The following GALNT11 variants were observed in gnomAD, a reference collection of about 807,000 sequenced individuals.
GALNT11 encodes UDP-GalNAc:polypeptide N-acetylgalactosaminyltransferase 11.
GALNT11 carries 47 observed loss-of-function variants against 72.7 expected under a neutral mutation model. The ratio of observed to expected loss-of-function variants is 0.65; its 90% CI spans 0.51 to 0.82. The LOEUF is 0.82. Ranked by LOEUF, GALNT11 falls within the 40% of genes least tolerant of loss-of-function variation. The pLI is 0.00. For missense variants in GALNT11, 677 were observed against 778.4 expected, an observed-to-expected ratio of 0.87 and a Z score of 1.55; for synonymous variants, 270 against 286.6, an observed-to-expected ratio of 0.94 and a Z score of 0.58.
chr7:152,035,657 C>G, intron 1 of GALNT11, among the ~76,000 whole-genome samples: 1 of 152,268 alleles, frequency 6.6e-6, no homozygotes. Flanking sequence ...AGCCCTATCC[C>G]GGAAAGCCTG....
chr7:152,027,758 T>A (rs1404528398), intron 1 of GALNT11: 1 of 157,668 alleles, frequency 6.3e-6, no homozygotes, highest in Non-Finnish European at 1.4e-5. Flanking sequence ...GTCGAGAGTT[T>A]GTTCCTTCTG....
chr7:152,065,804 G>A (rs550016574), intron 1 of GALNT11, among the ~76,000 whole-genome samples: 29 of 152,274 alleles, frequency 1.9e-4, no homozygotes, highest in East Asian at 7.7e-4. Flanking sequence ...CTCTGAAAGC[G>A]TCATCTCAGA....
At chr7:152,079,439 T>G (rs1013407143) in intron 1 of GALNT11, 9 of 152,274 alleles carry the variant, frequency 5.9e-5, no homozygotes, top group African/African-American at 1.7e-4. Context: ...CCTTTTAGTT[T>G]CTTTTCTATG....
At chr7:152,051,517 A>G (rs1400727750) in intron 1 of GALNT11, among the ~76,000 whole-genome samples, 2 of 152,140 alleles carry the variant, frequency 1.3e-5, no homozygotes, top group East Asian at 1.9e-4. Flanking sequence ...ATTCCTTTCT[A>G]CTTCACATTA....
At chr7:152,055,525 G>A (rs1410492443) in intron 1 of GALNT11, among the ~76,000 whole-genome samples, 35 of 13,156 alleles carry the variant, frequency 2.7e-3, no homozygotes, top group Admixed American at 0.019. Context: ...TAAAGCGTGT[G>A]TGTGTGTGTG....
At chr7:152,059,234 T>G (rs577783406) in intron 1 of GALNT11, among the ~76,000 whole-genome samples, 1 of 152,244 alleles carries the variant, frequency 6.6e-6, no homozygotes, top group East Asian at 1.9e-4. Flanking sequence ...TTGTTGGGAC[T>G]ACAGGCATGT....
chr7:152,111,168 G>A (rs2088146549), intron 7 of GALNT11, among the ~76,000 whole-genome samples: 1 of 151,732 alleles, frequency 6.6e-6, no homozygotes, highest in South Asian at 2.1e-4. Context: ...TTATTTTTTT[G>A]AGACAGGGTC....
chr7:152,038,564 T>C (rs1202005622), intron 1 of GALNT11, among the ~76,000 whole-genome samples: 1 of 152,230 alleles, frequency 6.6e-6, no homozygotes, highest in African/African-American at 2.4e-5. Context: ...ATTTTGTTTA[T>C]GGCCAGTTTT....
intron 1 of GALNT11, among the ~76,000 whole-genome samples, chr7:152,040,945 T>G (rs1201542895): frequency 6.6e-6 from 1 of 152,206 alleles, no homozygotes; most frequent in East Asian, 1.9e-4. Flanking sequence ...TGTGACTGGT[T>G]GTCCAGCTTT....
intron 1 of GALNT11, among the ~76,000 whole-genome samples, chr7:152,082,842 G>A (rs919457771): frequency 5.3e-5 from 8 of 152,150 alleles, no homozygotes; most frequent in African/African-American, 9.7e-5. Flanking sequence ...CAGTTTGATC[G>A]GGTGGGAAAT....
At chr7:152,026,157 G>C (rs971009702) in intron 1 of GALNT11, among the ~76,000 whole-genome samples, 8 of 152,200 alleles carry the variant, frequency 5.3e-5, no homozygotes, top group African/African-American at 1.9e-4. Flanking sequence ...ATTTAGGACG[G>C]AGGCACACCT....
At position 152,034,718 on chromosome 7, in the gene GALNT11, C is replaced by T. The variant is rs189909051; in HGVS notation, c.-39+8834C>T. 8.6e-4 allele frequency among the ~76,000 whole-genome samples: 131 copies of T among 152,286 alleles called. 1 individual carries two copies. The highest frequency in any genetic ancestry group is 2.5e-3 in the African/African-American group (105 of 41,556). On this transcript the variant is annotated intron_variant, in intron 1 of 11. Coordinates refer to ENST00000430044, the MANE Select transcript of GALNT11 (RefSeq NM_022087.4). ...CTCTTGCCCAAGAACCCACAACGGT[C>T]GGTCCCTGGACCCTGCGGATGGGAA...
chr7:152,052,464 C>G (rs2083450766), intron 1 of GALNT11, among the ~76,000 whole-genome samples: 1 of 152,082 alleles, frequency 6.6e-6, no homozygotes. Context: ...TATGGCAGTT[C>G]CATGTTTAAC....
intron 1 of GALNT11, among the ~76,000 whole-genome samples, chr7:152,040,513 T>C (rs1359833861): frequency 1.3e-5 from 2 of 152,208 alleles, no homozygotes; most frequent in African/African-American, 2.4e-5. Flanking sequence ...GATATTACTT[T>C]AGCAACAAGG....
chr7:152,055,592 C>T (rs1305541754), intron 1 of GALNT11, among the ~76,000 whole-genome samples: 1 of 150,468 alleles, frequency 6.6e-6, no homozygotes, highest in Non-Finnish European at 1.5e-5. Flanking sequence ...TATATATACA[C>T]ACAAAGTACC....
At position 152,063,099 on chromosome 7, in the gene GALNT11, CT is replaced by C. The variant is rs550987203; in HGVS notation, c.-38-31083del. ...AACTGTGAATCCATCTGGTCCTGGA[CT>C]TTTTTTTGTTGGTAGGCTATTAAGT... On this transcript the variant is annotated intron_variant, in intron 1 of 11. Transcript: ENST00000430044. Among the ~76,000 whole-genome samples, 49 of 151,990 alleles carry C rather than the reference CT, an allele frequency of 3.2e-4. No homozygotes were observed. The South Asian group carries it at 9.6e-3, about 30-fold the overall frequency.
chr7:152,107,736 G>A, intron 5 of GALNT11: 1 of 238,658 alleles, frequency 4.2e-6, no homozygotes, highest in Non-Finnish European at 8.2e-6. Context: ...AGTTGTTACG[G>A]TGAGACTTTG....
intron 1 of GALNT11, among the ~76,000 whole-genome samples, chr7:152,046,045 C>T (rs922619084): frequency 1.3e-5 from 2 of 152,056 alleles, no homozygotes; most frequent in Non-Finnish European, 2.9e-5. Flanking sequence ...TCTTTATTGA[C>T]CCACTGGTCA....
Position 152,108,092 on chromosome 7 carries a change from AGCCCTTGCTG to A in GALNT11, c.771_780del (p.Leu258ProfsTer13). 3.7e-6 allele frequency: 6 copies of A among 1,614,048 alleles called. No homozygotes were observed. The highest frequency in any genetic ancestry group is 5.1e-6 in the Non-Finnish European group (6 of 1,179,918). ...TGTGAAGTGAATGTGATGTGGCTGC[AGCCCTTGCTG>A]GCCGCCATCCGTGAGGACCGGCACA... On this transcript the variant is annotated frameshift_variant, in exon 6 of 12. Transcript: ENST00000430044. LOFTEE classifies it high-confidence loss of function.
Sources: allele counts gnomAD v4.1 joint callset (sites outside exome capture counted in the v4.1 genomes callset), GRCh38; gene constraint gnomAD v4.1.1; transcripts MANE v1.5; gene names NCBI Gene and HGNC (gene_info 2026-07-23, HGNC 2026-07-21).